FBXL7: variants seen among roughly 807,000 people sequenced by gnomAD.
The protein encoded by FBXL7 is F-box/LRR-repeat protein 7.
FBXL7 carries 12 observed loss-of-function variants against 38.3 expected under a neutral mutation model. That is an observed-to-expected ratio of 0.31 (90% CI 0.20 to 0.51). FBXL7 has a LOEUF of 0.51. Among genes scored for constraint, FBXL7 ranks in the 20% least tolerant of loss-of-function variants. The probability of loss-of-function intolerance (pLI) is 0.98; values close to 1 mark genes in which losing one functional copy is unlikely to be tolerated. For synonymous variants in FBXL7, 297 were observed against 300.9 expected (o/e 0.99, Z 0.13); for missense variants, 567 against 676.4 (o/e 0.84, Z 1.79).
chr5:15,730,809 C>T (rs1735560688), intron 2 of FBXL7, among the ~76,000 whole-genome samples: 1 of 152,176 alleles, frequency 6.6e-6, no homozygotes, highest in Non-Finnish European at 1.5e-5. Context: ...AGGTGAATTT[C>T]TCCAGATTTA....
intron 1 of FBXL7, among the ~76,000 whole-genome samples, chr5:15,613,823 C>T (rs566575971): frequency 6.6e-6 from 1 of 152,254 alleles, no homozygotes; most frequent in South Asian, 2.1e-4. Flanking sequence ...GACTGGGGGG[C>T]TTATAAACAA....
intron 2 of FBXL7, among the ~76,000 whole-genome samples, chr5:15,737,199 T>C (rs17602470): frequency 0.54 from 81,822 of 151,998 alleles, 22,305 homozygotes; most frequent in East Asian, 0.67. Flanking sequence ...CCGAAGCTCT[T>C]TGTCTTATCT....
chr5:15,928,291 C>G lies in FBXL7; in HGVS notation c.529C>G (p.Leu177Val). The G allele has an allele frequency of 1.2e-6, 2 of 1,613,436 alleles. No homozygotes were observed. Among genetic ancestry groups the G allele is most frequent in the Non-Finnish European group, 1.7e-6 (2 of 1,179,668 alleles). Residue 177 changes from leucine to valine, a missense_variant, in exon 3 of 4, where the codon CTC becomes GTC. Coordinates refer to ENST00000504595, the MANE Select transcript of FBXL7 (RefSeq NM_012304.5). The surrounding 1 kb of genome is among the most constrained non-coding windows in gnomAD (Gnocchi z 4.0). ...CGCCCTCAAGGTGCTGACCCGCAGA[C>G]TCTGCCAGGACACCCCCAACGTGTG... is the stretch of plus-strand genomic sequence containing the variant. ...DRALKVLTRR[L>V]CQDTPNVCLM...
chr5:15,898,882 T>C (rs573595051), intron 2 of FBXL7, among the ~76,000 whole-genome samples: 5 of 152,316 alleles, frequency 3.3e-5, no homozygotes, highest in African/African-American at 1.2e-4. Flanking sequence ...CAAGTATTTA[T>C]TTTTTGGCCA....
At chr5:15,616,383 A>T (rs1201634132) in intron 2 of FBXL7, among the ~76,000 whole-genome samples, 1 of 152,220 alleles carries the variant, frequency 6.6e-6, no homozygotes, top group Non-Finnish European at 1.5e-5. Context: ...CGTATAAAAA[A>T]TGATATTATT....
At chr5:15,854,473 C>T (rs1739194846) in intron 2 of FBXL7, among the ~76,000 whole-genome samples, 1 of 152,060 alleles carries the variant, frequency 6.6e-6, no homozygotes, top group African/African-American at 2.4e-5. Context: ...ATTACATTAG[C>T]ATGCTTTAGT....
intron 1 of FBXL7, among the ~76,000 whole-genome samples, chr5:15,525,984 T>C (rs1737241665): frequency 6.6e-6 from 1 of 152,188 alleles, no homozygotes. Context: ...GTTCTGAGCA[T>C]GAAGTCACCC....
At chr5:15,686,296 C>T (rs1041339683) in intron 2 of FBXL7, among the ~76,000 whole-genome samples, 1 of 152,162 alleles carries the variant, frequency 6.6e-6, no homozygotes, top group Non-Finnish European at 1.5e-5. Context: ...ATAAATTTAT[C>T]TTTTTGTTTC....
chr5:15,885,674 C>A (rs561665902), intron 2 of FBXL7, among the ~76,000 whole-genome samples: 1 of 152,242 alleles, frequency 6.6e-6, no homozygotes, highest in African/African-American at 2.4e-5. Context: ...ATGTATAAGT[C>A]GCACTGGGCA....
rs146021800 is a variant in FBXL7, at chr5:15,528,607, T to C, written c.37+27894T>C. 8.1e-3 allele frequency among the ~76,000 whole-genome samples: 1,228 copies of C among 152,288 alleles called. 5 individuals are homozygous for C. Among genetic ancestry groups the C allele is most frequent in the Non-Finnish European group, 0.011 (776 of 68,022 alleles). ...TAAAACCATCAGCTCTTATTAGACTTATTCACTACCACAAGAACAGTATGG... is the reference window on the plus strand; with the variant it reads ...TAAAACCATCAGCTCTTATTAGACTCATTCACTACCACAAGAACAGTATGG... On this transcript the variant is annotated intron_variant, in intron 1 of 3. Coordinates refer to ENST00000504595, the MANE Select transcript of FBXL7 (RefSeq NM_012304.5).
intron 2 of FBXL7, among the ~76,000 whole-genome samples, chr5:15,689,267 G>GTT (rs34173414): frequency 0.022 from 3,080 of 142,522 alleles, 40 homozygotes; most frequent in Middle Eastern, 0.043. Flanking sequence ...TTTATTTTCA[G>GTT]TTTTTTTTTT....
intron 2 of FBXL7, among the ~76,000 whole-genome samples, chr5:15,666,478 G>A (rs183438374): frequency 2.0e-5 from 3 of 152,122 alleles, no homozygotes; most frequent in African/African-American, 7.2e-5. Context: ...AGCTATTAAT[G>A]ATCACTACTT....
At chr5:15,605,917 C>A (rs1351090271) in intron 1 of FBXL7, among the ~76,000 whole-genome samples, 1 of 152,116 alleles carries the variant, frequency 6.6e-6, no homozygotes, top group Non-Finnish European at 1.5e-5. Flanking sequence ...GGGGAAGAGA[C>A]CCTGTCCCAA....
rs73060477 is a variant in FBXL7, at chr5:15,706,655, T to G, written c.127+90583T>G. Among the ~76,000 whole-genome samples the G allele has an allele frequency of 4.5e-3, 678 of 152,198 alleles. 7 individuals carry two copies. Among genetic ancestry groups the G allele is most frequent in the African/African-American group, 0.015 (632 of 41,524 alleles). ...AGAAGGCCAGTTATGGAAAGATTTG[T>G]AAAATGAAAGGATTTGCTGTTGGAA... On this transcript the variant is annotated intron_variant, in intron 2 of 3. Transcript: ENST00000504595.
chr5:15,655,983 A>G (rs968596114), intron 2 of FBXL7, among the ~76,000 whole-genome samples: 2 of 152,186 alleles, frequency 1.3e-5, no homozygotes, highest in African/African-American at 2.4e-5. Context: ...CATTTTGTGC[A>G]TAGGATAAGA....
At chr5:15,638,536 G>A (rs1056543443) in intron 2 of FBXL7, among the ~76,000 whole-genome samples, 7 of 151,990 alleles carry the variant, frequency 4.6e-5, no homozygotes, top group Non-Finnish European at 7.4e-5. Context: ...ATGTGCTGTT[G>A]TTGAGCCATT....
intron 2 of FBXL7, among the ~76,000 whole-genome samples, chr5:15,617,554 C>A (rs573831960): frequency 6.6e-6 from 1 of 152,018 alleles, no homozygotes; most frequent in South Asian, 2.1e-4. Flanking sequence ...CTCTGCCTCC[C>A]GGATTCAAGT....
intron 2 of FBXL7, among the ~76,000 whole-genome samples, chr5:15,868,216 C>CTACA (rs1739803460): frequency 1.3e-5 from 2 of 152,228 alleles, no homozygotes; most frequent in East Asian, 3.9e-4. Context: ...CAACAGGAAC[C>CTACA]TACAACCTGC....
At chr5:15,562,554 G>C (rs369154872) in intron 1 of FBXL7, among the ~76,000 whole-genome samples, 3 of 151,890 alleles carry the variant, frequency 2.0e-5, no homozygotes, top group East Asian at 3.9e-4. Context: ...TTTTTTAGTT[G>C]GCATTATATT....
Sources: allele counts gnomAD v4.1 joint callset (sites outside exome capture counted in the v4.1 genomes callset), GRCh38; gene constraint gnomAD v4.1.1; non-coding constraint Gnocchi (gnomAD v3.1); transcripts MANE v1.5; gene names NCBI Gene and HGNC (gene_info 2026-07-23, HGNC 2026-07-21).